The following AGAP1 variants were observed in gnomAD, a reference collection of about 807,000 sequenced individuals.
AGAP1 encodes the protein ArfGAP with GTPase domain, ankyrin repeat and PH domain 1.
Under a neutral mutation model 105.3 loss-of-function variants are expected in AGAP1, and 29 were observed. That is an observed-to-expected ratio of 0.28 (90% CI 0.21 to 0.38). The LOEUF (loss-of-function observed/expected upper bound fraction) is 0.38, where lower values mean the gene tolerates loss of function less well. AGAP1 is among the 10% of genes least tolerant of loss of function. AGAP1 has a pLI of 1.00. For synonymous variants in AGAP1, 509 were observed against 485.9 expected, an observed-to-expected ratio of 1.05 and a Z score of -0.63; for missense variants, 998 against 1,165.1, an observed-to-expected ratio of 0.86 and a Z score of 2.09.
intron 1 of AGAP1, among the ~76,000 whole-genome samples, chr2:235,644,290 C>T (rs550688870): frequency 1.1e-4 from 17 of 152,162 alleles, no homozygotes; most frequent in Admixed American, 2.0e-4. Flanking sequence ...GTGGGAAGAA[C>T]GGAGCGGAGC....
chr2:235,942,848 G>A (rs1048093798), intron 12 of AGAP1, among the ~76,000 whole-genome samples: 5 of 151,990 alleles, frequency 3.3e-5, no homozygotes, highest in African/African-American at 7.3e-5. Context: ...CTTCAAATTA[G>A]GAATAGGTAG....
rs1292148839 is a variant in AGAP1 at position 236,001,802 on chromosome 2, G to T, written c.1645+33179G>T. ...TCCACAAGCTGTTTGAAAGGCCACA[G>T]GGCACTGCGTGGAATGCGTGGTCTC... On this transcript the variant is annotated intron_variant, in intron 13 of 17. Coordinates refer to ENST00000304032, the MANE Select transcript of AGAP1 (RefSeq NM_001037131.3). The surrounding 1 kb of genome is among the most constrained non-coding windows in gnomAD (Gnocchi z 4.7). Among the ~76,000 whole-genome samples, 3 of 152,218 alleles carry T rather than the reference G, an allele frequency of 2.0e-5. No homozygotes were observed. The highest frequency in any genetic ancestry group is 2.9e-5 in the Non-Finnish European group (2 of 68,048).
Position 236,123,398 on chromosome 2 carries a change from T to C in AGAP1, c.2371-521T>C, listed in dbSNP as rs1175084953. 6.6e-6 allele frequency among the ~76,000 whole-genome samples: 1 copy of C among 151,776 alleles called. No individual in the cohort carries two copies. Among genetic ancestry groups the C allele is most frequent in the African/African-American group, 2.4e-5 (1 of 41,166 alleles). On this transcript the variant is annotated intron_variant, in intron 17 of 17. Transcript: ENST00000304032. This position sits in a 1 kb window ranked among gnomAD's most constrained non-coding sequence, Gnocchi z 4.6. ...AAAATGATCACAGTATAGTAATCAA[T>C]AAAAAATGAAAAAAATACAAATTAT...
At chr2:235,546,477 G>T (rs1327640747) in intron 1 of AGAP1, among the ~76,000 whole-genome samples, 1 of 152,166 alleles carries the variant, frequency 6.6e-6, no homozygotes, top group African/African-American at 2.4e-5. Flanking sequence ...AAGGAATTAT[G>T]GCCCCAGAGC....
chr2:235,989,203 C>T lies in AGAP1; in HGVS notation c.1645+20580C>T, dbSNP rs574801259. 5.9e-5 allele frequency among the ~76,000 whole-genome samples: 9 copies of T among 152,278 alleles called. No homozygotes were observed. The highest frequency in any genetic ancestry group is 4.1e-4 in the South Asian group (2 of 4,828). On this transcript the variant is annotated intron_variant, in intron 13 of 17. Coordinates refer to ENST00000304032, the MANE Select transcript of AGAP1 (RefSeq NM_001037131.3). This position sits in a 1 kb window ranked among gnomAD's most constrained non-coding sequence, Gnocchi z 4.4. ...TTGTCTGTGGTGTCTTCCTTCTTCC[C>T]TGGAATTAGATATTTTTCGTTCAAG...
Position 235,792,188 on chromosome 2 carries a change from G to A in AGAP1, c.674-5571G>A, listed in dbSNP as rs576254127. On this transcript the variant is annotated intron_variant, in intron 6 of 17. Coordinates refer to ENST00000304032, the MANE Select transcript of AGAP1 (RefSeq NM_001037131.3). The surrounding 1 kb of genome is among the most constrained non-coding windows in gnomAD (Gnocchi z 5.3). ...CCCAAACGTGGGCTTGATTTACACCGAGTCATTAGTTGTCATCTAATGGTG... is the reference window on the plus strand; with the variant it reads ...CCCAAACGTGGGCTTGATTTACACCAAGTCATTAGTTGTCATCTAATGGTG... Among the ~76,000 whole-genome samples the A allele has an allele frequency of 9.9e-5, 15 of 152,216 alleles. No homozygotes were observed. In the South Asian group the frequency reaches 2.3e-3, roughly 23 times the overall value.
chr2:236,031,503 A>G (rs772673117), intron 13 of AGAP1, among the ~76,000 whole-genome samples: 16 of 152,098 alleles, frequency 1.1e-4, no homozygotes, highest in Non-Finnish European at 1.6e-4. Flanking sequence ...TTCATTGAGA[A>G]CACAAATGCA....
rs1440138659 is a variant in AGAP1 at position 235,893,617 on chromosome 2, TCCCAGG to T, written c.1155+10172_1155+10177del. Among the ~76,000 whole-genome samples the T allele has an allele frequency of 6.6e-6, 1 of 152,052 alleles. No individual in the cohort carries two copies. The highest frequency in any genetic ancestry group is 2.4e-5 in the African/African-American group (1 of 41,398). ...ATGTGCCTTCATGGCCCTCCCTGAT[TCCCAGG>T]CCCCATCTAGTGTACATCATTGCCT... is the stretch of plus-strand genomic sequence containing the variant. On this transcript the variant is annotated intron_variant, in intron 10 of 17. Coordinates refer to ENST00000304032, the MANE Select transcript of AGAP1 (RefSeq NM_001037131.3). This position sits in a 1 kb window ranked among gnomAD's most constrained non-coding sequence, Gnocchi z 4.7.
At chr2:236,067,503 G>A (rs2058377998) in intron 16 of AGAP1, among the ~76,000 whole-genome samples, 1 of 152,140 alleles carries the variant, frequency 6.6e-6, no homozygotes, top group Non-Finnish European at 1.5e-5. Flanking sequence ...AATCAGGTGG[G>A]CAGGACAAGT....
chr2:235,675,948 C>A (rs989000211), intron 1 of AGAP1, among the ~76,000 whole-genome samples: 1 of 152,196 alleles, frequency 6.6e-6, no homozygotes, highest in African/African-American at 2.4e-5. Context: ...TTGACAGGCA[C>A]ATTGTAGCAA....
intron 1 of AGAP1, among the ~76,000 whole-genome samples, chr2:235,649,727 G>A (rs6740058): frequency 0.71 from 107,771 of 152,144 alleles, 38,262 homozygotes; most frequent in East Asian, 0.8. Flanking sequence ...GCTTGTCTGG[G>A]ACCTTGCCCT....
At position 236,090,625 on chromosome 2, in the gene AGAP1, T is replaced by C. The variant is rs1239858758; in HGVS notation, c.2115-29567T>C. Among the ~76,000 whole-genome samples the C allele has an allele frequency of 6.6e-6, 1 of 152,222 alleles. No homozygotes were observed. The highest frequency in any genetic ancestry group is 1.5e-5 in the Non-Finnish European group (1 of 68,046). ...ATTTTTGTGTTATTTTCATCACTTT[T>C]GGATATTGAAAGCTAGCAGGGAGGG... On this transcript the variant is annotated intron_variant, in intron 16 of 17. Coordinates refer to ENST00000304032, the MANE Select transcript of AGAP1 (RefSeq NM_001037131.3). The surrounding 1 kb of genome is among the most constrained non-coding windows in gnomAD (Gnocchi z 4.3).
chr2:235,993,433 G>T lies in AGAP1; in HGVS notation c.1645+24810G>T, dbSNP rs540729753. On this transcript the variant is annotated intron_variant, in intron 13 of 17. Coordinates refer to ENST00000304032, the MANE Select transcript of AGAP1 (RefSeq NM_001037131.3). This position sits in a 1 kb window ranked among gnomAD's most constrained non-coding sequence, Gnocchi z 5.0. ...AAGTCCAGCACAGTGTGTGCACGTGGTATGTCCCTGATGGAAACTGCTTCT... is the reference window on the plus strand; with the variant it reads ...AAGTCCAGCACAGTGTGTGCACGTGTTATGTCCCTGATGGAAACTGCTTCT... 1.3e-5 allele frequency among the ~76,000 whole-genome samples: 2 copies of T among 152,192 alleles called. No individual in the cohort carries two copies. Among genetic ancestry groups the T allele is most frequent in the Non-Finnish European group, 2.9e-5 (2 of 68,030 alleles).
intron 2 of AGAP1, among the ~76,000 whole-genome samples, chr2:235,710,496 GC>G (rs748080486): frequency 2.0e-3 from 307 of 152,192 alleles, no homozygotes; most frequent in Non-Finnish European, 3.6e-3. Context: ...CCCGGTGTCT[GC>G]CCCCCGCCCC....
rs2058105457 is a variant in AGAP1 at position 236,058,504 on chromosome 2, T to C, written c.2114+9223T>C. ...TAATCTTTTCAAGGGATACAGAAAA[T>C]ACATTTGACAAAACCACGTGCCCTT... On this transcript the variant is annotated intron_variant, in intron 16 of 17. Coordinates refer to ENST00000304032, the MANE Select transcript of AGAP1 (RefSeq NM_001037131.3). The surrounding 1 kb of genome is among the most constrained non-coding windows in gnomAD (Gnocchi z 4.6). Among the ~76,000 whole-genome samples, 1 of 152,080 alleles carries C rather than the reference T, an allele frequency of 6.6e-6. No individual in the cohort carries two copies. The highest frequency in any genetic ancestry group is 1.5e-5 in the Non-Finnish European group (1 of 68,006).
intron 1 of AGAP1, among the ~76,000 whole-genome samples, chr2:235,539,959 G>A (rs1300632305): frequency 6.6e-6 from 1 of 152,088 alleles, no homozygotes; most frequent in African/African-American, 2.4e-5. Context: ...GGTCCTCCTG[G>A]TCTCCGTTCA....
chr2:236,039,754 T>C (rs1419181203), intron 14 of AGAP1, among the ~76,000 whole-genome samples: 1 of 152,196 alleles, frequency 6.6e-6, no homozygotes, highest in African/African-American at 2.4e-5. Context: ...CAGCAATATG[T>C]ATTACGCTGG....
intron 16 of AGAP1, among the ~76,000 whole-genome samples, chr2:236,102,372 C>T (rs1169820442): frequency 2.8e-5 from 4 of 140,690 alleles, no homozygotes; most frequent in Non-Finnish European, 6.0e-5. Context: ...GAGGCGAGAT[C>T]ATGCCACTGC....
At chr2:235,929,926 A>C (rs1385831205) in intron 11 of AGAP1, among the ~76,000 whole-genome samples, 3 of 152,158 alleles carry the variant, frequency 2.0e-5, no homozygotes, top group Admixed American at 1.3e-4. Flanking sequence ...GAACTAAAAC[A>C]ATTGGAAGAA....
Sources: gnomAD v4.1 joint callset for allele counts (sites outside exome capture counted in the v4.1 genomes callset) on GRCh38, gnomAD v4.1.1 for gene constraint, Gnocchi (gnomAD v3.1) non-coding constraint, MANE v1.5 for transcripts, NCBI Gene and HGNC (gene_info 2026-07-23, HGNC 2026-07-21) for gene names.